Variants in GLRA2 observed in about 807,000 individuals in gnomAD.
GLRA2 encodes the protein glycine receptor alpha 2.
A neutral mutation model predicts 31.6 loss-of-function variants in GLRA2; 11 were observed. The ratio of observed to expected loss-of-function variants is 0.35; its 90% confidence interval spans 0.22 to 0.58. GLRA2 has a LOEUF of 0.58. Among genes scored for constraint, GLRA2 ranks in the 20% least tolerant of loss-of-function variants. GLRA2 has a pLI of 0.84. For synonymous variants in GLRA2, 132 were observed against 134.0 expected (o/e 0.99, Z 0.10); for missense variants, 212 against 351.8 (o/e 0.60, Z 3.18).
chrX:14,682,267 G>A (rs1355326015), intron 7 of GLRA2, among the ~76,000 whole-genome samples: 1 of 110,395 alleles, frequency 9.1e-6, no homozygotes, highest in African/African-American at 3.3e-5. Flanking sequence ...CAGGTAGGAA[G>A]AATAATATGT....
the GLRA2 span, among the ~76,000 whole-genome samples, chrX:14,461,915 T>C: frequency 1.8e-5 from 2 of 112,072 alleles, no homozygotes; most frequent in African/African-American, 3.2e-5. Flanking sequence ...TTATTTTGCC[T>C]GTTAATTGAT....
chrX:14,549,104 G>T (rs2089521324), intron 2 of GLRA2, among the ~76,000 whole-genome samples: 1 of 112,017 alleles, frequency 8.9e-6, no homozygotes, highest in African/African-American at 3.2e-5. Flanking sequence ...GGAAAAAGAA[G>T]TAGCTCTAGG....
chrX:14,474,423 GA>G, the GLRA2 span, among the ~76,000 whole-genome samples: 1 of 111,527 alleles, frequency 9.0e-6, no homozygotes, highest in Non-Finnish European at 1.9e-5. Context: ...ACTCTAACCA[GA>G]ACTCACTGAC....
chrX:14,508,422 G>A, the GLRA2 span, among the ~76,000 whole-genome samples: 1 of 112,180 alleles, frequency 8.9e-6, no homozygotes, highest in Non-Finnish European at 1.9e-5. Context: ...TGTATGCTGT[G>A]GTCACTTTAT....
intron 7 of GLRA2, among the ~76,000 whole-genome samples, chrX:14,653,950 CTG>C (rs770394683): frequency 3.6e-5 from 4 of 111,775 alleles, no homozygotes; most frequent in Non-Finnish European, 7.5e-5. Flanking sequence ...CATAGCAAGA[CTG>C]TGTCTTTACA....
intron 2 of GLRA2, among the ~76,000 whole-genome samples, chrX:14,540,675 C>A (rs1364852865): frequency 9.0e-6 from 1 of 111,096 alleles, no homozygotes. Context: ...TTTAGTAAGC[C>A]TTCTTTGATC....
chrX:14,673,853 T>C (rs1341570457), intron 7 of GLRA2, among the ~76,000 whole-genome samples: 1 of 112,369 alleles, frequency 8.9e-6, no homozygotes, highest in Non-Finnish European at 1.9e-5. Flanking sequence ...CTTCACAGTA[T>C]GTCCATGGCT....
chrX:14,583,841 C>T (rs1172121578), intron 4 of GLRA2, among the ~76,000 whole-genome samples: 1 of 112,047 alleles, frequency 8.9e-6, no homozygotes, highest in African/African-American at 3.2e-5. Context: ...ATATCCTTTG[C>T]AGCAACATGG....
At chrX:14,607,730 G>A (rs2090351137) in intron 6 of GLRA2, among the ~76,000 whole-genome samples, 1 of 111,278 alleles carries the variant, frequency 9.0e-6, no homozygotes, top group South Asian at 3.8e-4. Context: ...CAGAAATAGA[G>A]CTGTTGTGTT....
the GLRA2 span, among the ~76,000 whole-genome samples, chrX:14,451,689 A>G: frequency 2.8e-5 from 3 of 108,030 alleles, no homozygotes; most frequent in South Asian, 8.5e-4. Flanking sequence ...AAGTTGGATT[A>G]AAAAACCGAG....
At chrX:14,553,015 C>T (rs3027334) in intron 2 of GLRA2, among the ~76,000 whole-genome samples, 4 of 111,971 alleles carry the variant, frequency 3.6e-5, no homozygotes, top group Admixed American at 2.8e-4. Context: ...AGAATGACCT[C>T]CTCAATTTCA....
intron 8 of GLRA2, among the ~76,000 whole-genome samples, chrX:14,729,355 C>G (rs940562089): frequency 2.7e-5 from 3 of 111,066 alleles, no homozygotes; most frequent in African/African-American, 9.8e-5. Flanking sequence ...TCAACCCCAC[C>G]TTTTCAACCC....
the GLRA2 span, among the ~76,000 whole-genome samples, chrX:14,506,902 C>T: frequency 1.8e-5 from 2 of 111,801 alleles, no homozygotes; most frequent in African/African-American, 6.5e-5. Context: ...AAGCCCCAGA[C>T]ACAGTACATT....
intron 8 of GLRA2, among the ~76,000 whole-genome samples, chrX:14,693,831 T>C (rs2091401042): frequency 8.9e-6 from 1 of 112,153 alleles, no homozygotes; most frequent in African/African-American, 3.2e-5. Context: ...TCTGAAATAA[T>C]TCAGGAATCA....
intron 2 of GLRA2, among the ~76,000 whole-genome samples, chrX:14,557,271 A>T (rs1283468432): frequency 9.4e-6 from 1 of 106,518 alleles, no homozygotes; most frequent in Non-Finnish European, 1.9e-5. Context: ...GCCCACCACC[A>T]CGCCCGGCTA....
chrX:14,516,602 T>C, the GLRA2 span, among the ~76,000 whole-genome samples: 1 of 111,470 alleles, frequency 9.0e-6, no homozygotes, highest in Non-Finnish European at 1.9e-5. Context: ...TCCTCCTATG[T>C]TGAAACTGAG....
intron 7 of GLRA2, among the ~76,000 whole-genome samples, chrX:14,634,656 G>T (rs1199254906): frequency 8.9e-6 from 1 of 111,735 alleles, no homozygotes; most frequent in African/African-American, 3.3e-5. Flanking sequence ...ATATTGCATG[G>T]TTAGTAATGA....
At chrX:14,579,845 G>C (rs1021158002) in intron 3 of GLRA2, among the ~76,000 whole-genome samples, 2 of 112,183 alleles carry the variant, frequency 1.8e-5, no homozygotes, top group Non-Finnish European at 3.8e-5. Flanking sequence ...CTATGAACTT[G>C]ATCATCAGGA....
the GLRA2 span, among the ~76,000 whole-genome samples, chrX:14,462,198 G>T: frequency 8.9e-6 from 1 of 111,866 alleles, no homozygotes; most frequent in Non-Finnish European, 1.9e-5. Flanking sequence ...TGGCTTGTAG[G>T]GTTTCTGCCG....
Sources: gnomAD v4.1 joint callset for allele counts (sites outside exome capture counted in the v4.1 genomes callset) on GRCh38, gnomAD v4.1.1 for gene constraint, MANE v1.5 for transcripts, NCBI Gene and HGNC (gene_info 2026-07-23, HGNC 2026-07-21) for gene names.